The following TTC28 variants were observed in gnomAD, a reference collection of about 807,000 sequenced individuals.
The protein encoded by TTC28 is tetratricopeptide repeat domain 28.
Under a neutral mutation model 198.0 loss-of-function variants are expected in TTC28, and 61 were observed. The observed-to-expected ratio is 0.31, with a 90% CI of 0.25 to 0.38. The LOEUF is 0.38. Ranked by LOEUF, TTC28 falls within the 10% of genes least tolerant of loss-of-function variation. The pLI is 1.00. For missense variants in TTC28, 2,678 were observed against 3,164.0 expected (o/e 0.85, Z 3.69); for synonymous variants, 1,171 against 1,297.8 (o/e 0.90, Z 2.10).
At chr22:28,346,981 G>A (rs1171190136) in intron 2 of TTC28, among the ~76,000 whole-genome samples, 2 of 152,156 alleles carry the variant, frequency 1.3e-5, no homozygotes, top group Non-Finnish European at 2.9e-5. Flanking sequence ...GAAAGACTAT[G>A]GCCGGGTGCG....
At chr22:28,605,339 TA>T (rs755178172) in intron 2 of TTC28, among the ~76,000 whole-genome samples, 12 of 152,156 alleles carry the variant, frequency 7.9e-5, no homozygotes, top group Non-Finnish European at 1.8e-4. Flanking sequence ...TACAAATAAG[TA>T]AACAATGACC....
chr22:28,266,187 A>G (rs1292556336), intron 5 of TTC28, among the ~76,000 whole-genome samples: 1 of 151,970 alleles, frequency 6.6e-6, no homozygotes, highest in African/African-American at 2.4e-5. Context: ...CTCAAAAAAA[A>G]AAAAAAAGTT....
At chr22:28,315,965 T>C (rs1381567191) in intron 2 of TTC28, among the ~76,000 whole-genome samples, 1 of 152,204 alleles carries the variant, frequency 6.6e-6, no homozygotes. Context: ...TACAGTTAAA[T>C]GCAAAGACTT....
Position 28,205,296 on chromosome 22 carries a change from A to AT in TTC28, c.934-41698dup, listed in dbSNP as rs543272520. On this transcript the variant is annotated intron_variant, in intron 5 of 22. Coordinates refer to ENST00000397906, the MANE Select transcript of TTC28 (RefSeq NM_001145418.2). Reference sequence around the variant, plus strand: ...TTACTTCTCCATAGTAAAGTTAGACATTTTTTCCTTATAAATATCCTCAAA... The same window carrying AT: ...TTACTTCTCCATAGTAAAGTTAGACATTTTTTTCCTTATAAATATCCTCAAA... Among the ~76,000 whole-genome samples the AT allele has an allele frequency of 5.3e-3, 799 of 152,048 alleles. 11 individuals carry two copies. Among genetic ancestry groups the AT allele is most frequent in the African/African-American group, 0.018 (766 of 41,464 alleles).
intron 13 of TTC28, among the ~76,000 whole-genome samples, chr22:28,024,498 C>G (rs1216238699): frequency 5.3e-5 from 8 of 152,162 alleles, no homozygotes; most frequent in Non-Finnish European, 7.3e-5. Context: ...CACCCAACCC[C>G]ACTGGAACTC....
chr22:28,170,094 T>C (rs1249766162), intron 5 of TTC28, among the ~76,000 whole-genome samples: 7 of 152,202 alleles, frequency 4.6e-5, no homozygotes, highest in Non-Finnish European at 1.0e-4. Flanking sequence ...TTGTATAACA[T>C]ATGTCATTTT....
chr22:28,590,364 T>C (rs970175726), intron 2 of TTC28, among the ~76,000 whole-genome samples: 14 of 151,986 alleles, frequency 9.2e-5, no homozygotes, highest in Admixed American at 5.2e-4. Context: ...CTCCTGACCT[T>C]GTGATCCGCC....
At chr22:28,393,347 ATTT>A (rs1041851916) in intron 2 of TTC28, among the ~76,000 whole-genome samples, 1 of 151,612 alleles carries the variant, frequency 6.6e-6, no homozygotes, top group Non-Finnish European at 1.5e-5. Context: ...CATGGGTGTG[ATTT>A]TTTTTTCCTA....
At chr22:28,370,398 C>A (rs1254961540) in intron 2 of TTC28, among the ~76,000 whole-genome samples, 2 of 152,196 alleles carry the variant, frequency 1.3e-5, no homozygotes, top group African/African-American at 4.8e-5. Flanking sequence ...ATAAATAGCA[C>A]CTTCATTATA....
chr22:28,594,611 T>C (rs1013261983), intron 2 of TTC28, among the ~76,000 whole-genome samples: 6 of 152,152 alleles, frequency 3.9e-5, no homozygotes, highest in Non-Finnish European at 8.8e-5. Context: ...GAAAAACCTG[T>C]AGTACAGGAC....
chr22:28,249,644 G>A (rs1194997691), intron 5 of TTC28, among the ~76,000 whole-genome samples: 1 of 152,170 alleles, frequency 6.6e-6, no homozygotes, highest in Non-Finnish European at 1.5e-5. Flanking sequence ...ACCAGGACCT[G>A]TAATGCAACT....
intron 5 of TTC28, among the ~76,000 whole-genome samples, chr22:28,235,888 T>C (rs1194152867): frequency 6.6e-6 from 1 of 152,240 alleles, no homozygotes; most frequent in African/African-American, 2.4e-5. Flanking sequence ...CTTCTTTGTA[T>C]GGTTTCAGGT....
Position 28,201,751 on chromosome 22 carries a change from C to CAAAAAAAAAAAAAAAAAA in TTC28, c.934-38170_934-38153dup, listed in dbSNP as rs34790960. 8.6e-4 allele frequency among the ~76,000 whole-genome samples: 70 copies of CAAAAAAAAAAAAAAAAAA among 80,996 alleles called. 2 individuals carry two copies. The highest frequency in any genetic ancestry group is 3.2e-3 in the African/African-American group (63 of 19,908). The allele number at this position is 80,996 out of a possible 152,430, so 53.1% of individuals were successfully genotyped here. On this transcript the variant is annotated intron_variant, in intron 5 of 22. Coordinates refer to ENST00000397906, the MANE Select transcript of TTC28 (RefSeq NM_001145418.2). ...TTGTGAAAGATCTGATTACAGAAAG[C>CAAAAAAAAAAAAAAAAAA]AAAAAAAAAAAAAAAAAAGAGGGGA...
At chr22:28,171,262 T>C (rs1922647255) in intron 5 of TTC28, among the ~76,000 whole-genome samples, 1 of 152,226 alleles carries the variant, frequency 6.6e-6, no homozygotes, top group African/African-American at 2.4e-5. Flanking sequence ...CTACCCTTTC[T>C]TTCCTTCATT....
chr22:28,676,429 A>G (rs1185285373), intron 1 of TTC28, among the ~76,000 whole-genome samples: 3 of 152,166 alleles, frequency 2.0e-5, no homozygotes, highest in Non-Finnish European at 4.4e-5. Flanking sequence ...AAGTATCTAG[A>G]TACCTGTCTT....
chr22:28,159,987 T>C (rs577970741), intron 6 of TTC28, among the ~76,000 whole-genome samples: 1 of 152,278 alleles, frequency 6.6e-6, no homozygotes, highest in South Asian at 2.1e-4. Context: ...TCTCACTTAT[T>C]TGTGGGATCT....
chr22:28,336,490 C>G (rs1238196888), intron 2 of TTC28, among the ~76,000 whole-genome samples: 4 of 152,126 alleles, frequency 2.6e-5, no homozygotes, highest in African/African-American at 9.7e-5. Context: ...GGTTGGTAAG[C>G]TATTAATTAT....
chr22:28,075,121 T>A (rs557615619), intron 12 of TTC28, among the ~76,000 whole-genome samples: 32 of 151,826 alleles, frequency 2.1e-4, no homozygotes, highest in African/African-American at 7.7e-4. Flanking sequence ...AAATAAAAAT[T>A]TAAAAGGTCA....
At chr22:28,117,615 C>T (rs1392141640) in intron 6 of TTC28, among the ~76,000 whole-genome samples, 6 of 152,246 alleles carry the variant, frequency 3.9e-5, no homozygotes, top group East Asian at 3.9e-4. Flanking sequence ...ATGGTGCCCT[C>T]GAGTTAGTTA....
Sources: gnomAD v4.1 joint callset for allele counts (sites outside exome capture counted in the v4.1 genomes callset) on GRCh38, gnomAD v4.1.1 for gene constraint, MANE v1.5 for transcripts, NCBI Gene and HGNC (gene_info 2026-07-23, HGNC 2026-07-21) for gene names.